Variants in METTL15 observed in about 807,000 individuals in gnomAD.
METTL15 encodes the protein methyltransferase 15, mitochondrial 12S rRNA N4-cytidine.
In METTL15, 34 loss-of-function variants were observed where a neutral mutation model predicts 38.3. The observed-to-expected ratio is 0.89, with a 90% CI of 0.68 to 1.18. The LOEUF (loss-of-function observed/expected upper bound fraction) is 1.18, where lower values mean the gene tolerates loss of function less well. Ranked by LOEUF, METTL15 falls within the 50% of genes most tolerant of loss-of-function variation. The pLI is 0.00. For synonymous variants in METTL15, 162 were observed against 170.9 expected (o/e 0.95, Z 0.41); for missense variants, 438 against 498.4 (o/e 0.88, Z 1.15).
intron 3 of METTL15, among the ~76,000 whole-genome samples, chr11:28,175,128 T>C (rs911910108): frequency 6.7e-6 from 1 of 149,308 alleles, no homozygotes; most frequent in African/African-American, 2.5e-5. Flanking sequence ...CCCCGATGTG[T>C]GATGTTCCCC....
chr11:28,377,818 G>C (rs1466012613), intron 5 of METTL15, among the ~76,000 whole-genome samples: 1 of 151,530 alleles, frequency 6.6e-6, no homozygotes, highest in African/African-American at 2.4e-5. Context: ...TGATGATGAA[G>C]TACAGATGGG....
intron 4 of METTL15, among the ~76,000 whole-genome samples, chr11:28,278,930 G>A (rs186108081): frequency 6.1e-4 from 93 of 152,190 alleles, no homozygotes; most frequent in Non-Finnish European, 6.2e-4. Context: ...AGACCCAAGC[G>A]ATCCTCACAC....
At chr11:28,238,429 C>T (rs958491139) in intron 4 of METTL15, among the ~76,000 whole-genome samples, 1 of 152,206 alleles carries the variant, frequency 6.6e-6, no homozygotes, top group Admixed American at 6.5e-5. Flanking sequence ...GTTATAATCT[C>T]CTGGTGCGCC....
chr11:28,313,339 C>G (rs1277994433), intron 6 of METTL15, among the ~76,000 whole-genome samples: 1 of 151,604 alleles, frequency 6.6e-6, no homozygotes, highest in Non-Finnish European at 1.5e-5. Flanking sequence ...CAAACACATG[C>G]AAAAATAATT....
intron 5 of METTL15, among the ~76,000 whole-genome samples, chr11:28,381,541 T>C (rs1850383971): frequency 6.6e-6 from 1 of 152,106 alleles, no homozygotes; most frequent in Non-Finnish European, 1.5e-5. Context: ...CAATCTTTCT[T>C]CTTTTTCATT....
intron 3 of METTL15, among the ~76,000 whole-genome samples, chr11:28,342,240 G>A (rs796655392): frequency 3.9e-5 from 6 of 152,006 alleles, no homozygotes; most frequent in African/African-American, 9.6e-5. Context: ...CCCATTCTTC[G>A]ATTCTATTTT....
intron 5 of METTL15, among the ~76,000 whole-genome samples, chr11:28,416,119 C>T (rs1465773046): frequency 1.3e-5 from 2 of 152,222 alleles, no homozygotes; most frequent in East Asian, 1.9e-4. Flanking sequence ...CTCACCCAAG[C>T]GTAGTACCTT....
intron 3 of METTL15, among the ~76,000 whole-genome samples, chr11:28,192,666 C>G (rs190757339): frequency 6.6e-6 from 1 of 152,050 alleles, no homozygotes; most frequent in East Asian, 1.9e-4. Flanking sequence ...ACTGGACTTT[C>G]CTTTATTAGG....
chr11:28,282,980 C>T (rs979962185), intron 4 of METTL15, among the ~76,000 whole-genome samples: 8 of 152,022 alleles, frequency 5.3e-5, no homozygotes, highest in African/African-American at 1.9e-4. Flanking sequence ...TTTTCATGGA[C>T]CATTTTTATG....
At chr11:28,353,794 G>T (rs1428132827) in intron 4 of METTL15, among the ~76,000 whole-genome samples, 2 of 151,478 alleles carry the variant, frequency 1.3e-5, no homozygotes, top group African/African-American at 4.8e-5. Flanking sequence ...GCGCGGTGGC[G>T]GGCGCCTGTA....
At chr11:28,466,127 G>A (rs2133459475) in intron 6 of METTL15, among the ~76,000 whole-genome samples, 1 of 152,226 alleles carries the variant, frequency 6.6e-6, no homozygotes, top group East Asian at 1.9e-4. Flanking sequence ...GGAACAGCCA[G>A]GCCAACAACA....
At chr11:28,292,552 A>G (rs1856560314) in intron 5 of METTL15, among the ~76,000 whole-genome samples, 1 of 152,154 alleles carries the variant, frequency 6.6e-6, no homozygotes, top group Non-Finnish European at 1.5e-5. Flanking sequence ...AGCATGATTT[A>G]TAGTCCTTTG....
intron 3 of METTL15, among the ~76,000 whole-genome samples, chr11:28,174,080 A>G (rs1850960882): frequency 6.6e-6 from 1 of 152,230 alleles, no homozygotes; most frequent in Non-Finnish European, 1.5e-5. Flanking sequence ...GGAGGAAGTC[A>G]CTAAGCACAG....
chr11:28,252,261 A>T (rs1019152587), intron 4 of METTL15, among the ~76,000 whole-genome samples: 3 of 152,138 alleles, frequency 2.0e-5, no homozygotes, highest in Non-Finnish European at 4.4e-5. Context: ...GAAAGGGAAT[A>T]GGAAATGTTG....
chr11:28,386,496 A>G (rs1850442517), intron 5 of METTL15, among the ~76,000 whole-genome samples: 1 of 152,152 alleles, frequency 6.6e-6, no homozygotes, highest in East Asian at 1.9e-4. Context: ...AACATTATAT[A>G]ATGATATAAA....
chr11:28,351,651 A>G (rs1282094811), intron 3 of METTL15, among the ~76,000 whole-genome samples: 3 of 152,240 alleles, frequency 2.0e-5, no homozygotes, highest in African/African-American at 7.2e-5. Flanking sequence ...CTAGTATGAT[A>G]TATGTGTCTT....
At chr11:28,513,635 A>G (rs892259060) in intron 6 of METTL15, among the ~76,000 whole-genome samples, 1 of 152,214 alleles carries the variant, frequency 6.6e-6, no homozygotes, top group African/African-American at 2.4e-5. Flanking sequence ...ACAGAGATTT[A>G]CCCACCTATT....
chr11:28,423,064 G>A (rs1002963273), intron 5 of METTL15, among the ~76,000 whole-genome samples: 10 of 151,874 alleles, frequency 6.6e-5, no homozygotes, highest in African/African-American at 2.2e-4. Context: ...TTTCTTAAAA[G>A]AAGACATACA....
chr11:28,295,707 A>G (rs779998416), intron 5 of METTL15, among the ~76,000 whole-genome samples: 17 of 152,102 alleles, frequency 1.1e-4, no homozygotes, highest in Admixed American at 3.3e-4. Flanking sequence ...TAAGCCAAAG[A>G]CAGCAAAAAG....
Sources: allele counts gnomAD v4.1 joint callset (sites outside exome capture counted in the v4.1 genomes callset), GRCh38; gene constraint gnomAD v4.1.1; transcripts MANE v1.5; gene names NCBI Gene and HGNC (gene_info 2026-07-23, HGNC 2026-07-21).